The following RAB38 variants were observed in gnomAD, a reference collection of about 807,000 sequenced individuals.
The protein encoded by RAB38 is ras-related protein Rab-38.
In RAB38, 15 loss-of-function variants were observed where a neutral mutation model predicts 18.4. The ratio of observed to expected loss-of-function variants is 0.82; its 90% CI spans 0.55 to 1.26. RAB38 has a LOEUF of 1.26. Among genes scored for constraint, RAB38 ranks in the 50% most tolerant of loss-of-function variants. The pLI is 0.00. For synonymous variants in RAB38, 101 were observed against 104.4 expected (o/e 0.97, Z 0.20); for missense variants, 294 against 267.4 (o/e 1.10, Z -0.69).
the RAB38 span, among the ~76,000 whole-genome samples, chr11:88,027,976 C>G: frequency 2.6e-5 from 4 of 152,186 alleles, no homozygotes; most frequent in African/African-American, 4.8e-5. Flanking sequence ...GGGAGGCACC[C>G]CCCAGCAGGG....
the RAB38 span, among the ~76,000 whole-genome samples, chr11:87,851,096 G>GA: frequency 8.6e-5 from 13 of 152,006 alleles, no homozygotes; most frequent in Non-Finnish European, 1.3e-4. Flanking sequence ...CCTTCCCTTT[G>GA]AAAAAAAGTA....
chr11:88,025,599 T>A, the RAB38 span, among the ~76,000 whole-genome samples: 1 of 152,174 alleles, frequency 6.6e-6, no homozygotes, highest in African/African-American at 2.4e-5. Context: ...CTCATTGTGG[T>A]ATTGATTTGG....
chr11:88,009,324 ATCTC>A, the RAB38 span, among the ~76,000 whole-genome samples: 1 of 152,202 alleles, frequency 6.6e-6, no homozygotes, highest in Non-Finnish European at 1.5e-5. Flanking sequence ...TCATTCCTTC[ATCTC>A]TCTTTCTCAA....
chr11:88,034,266 T>G, the RAB38 span, among the ~76,000 whole-genome samples: 5 of 152,220 alleles, frequency 3.3e-5, no homozygotes, highest in East Asian at 9.6e-4. Context: ...CATTGACAAT[T>G]TGCAGTTTGT....
chr11:88,079,455 C>G, the RAB38 span, among the ~76,000 whole-genome samples: 2 of 151,610 alleles, frequency 1.3e-5, no homozygotes, highest in Admixed American at 1.3e-4. Flanking sequence ...CTCTTCTAGC[C>G]CAAACAAACT....
the RAB38 span, among the ~76,000 whole-genome samples, chr11:87,955,938 C>T: frequency 6.6e-6 from 1 of 151,748 alleles, no homozygotes; most frequent in Non-Finnish European, 1.5e-5. Context: ...TGTATTTTCT[C>T]TTAACAAGAC....
the RAB38 span, among the ~76,000 whole-genome samples, chr11:88,024,981 G>T: frequency 8.5e-5 from 13 of 152,136 alleles, no homozygotes; most frequent in East Asian, 2.3e-3. Flanking sequence ...AGTCAATAAT[G>T]ACTTAATCAT....
At chr11:88,008,424 G>C in the RAB38 span, among the ~76,000 whole-genome samples, 2 of 152,084 alleles carry the variant, frequency 1.3e-5, no homozygotes, top group African/African-American at 2.4e-5. Context: ...GGTTCTCAAA[G>C]GATATCTAGC....
At chr11:88,043,140 G>C in the RAB38 span, among the ~76,000 whole-genome samples, 2 of 152,078 alleles carry the variant, frequency 1.3e-5, no homozygotes, top group Non-Finnish European at 2.9e-5. Context: ...CCATCTCTGC[G>C]AGACATTTCT....
At chr11:88,036,250 A>G in the RAB38 span, among the ~76,000 whole-genome samples, 1 of 152,180 alleles carries the variant, frequency 6.6e-6, no homozygotes, top group Non-Finnish European at 1.5e-5. Flanking sequence ...TTACTCTGCC[A>G]AAGACATAGA....
chr11:88,005,628 C>T, the RAB38 span, among the ~76,000 whole-genome samples: 3 of 149,658 alleles, frequency 2.0e-5, no homozygotes, highest in Non-Finnish European at 4.5e-5. Flanking sequence ...TCTGTATTTG[C>T]TTTTCTTGCC....
chr11:87,893,629 T>G, the RAB38 span, among the ~76,000 whole-genome samples: 2 of 151,462 alleles, frequency 1.3e-5, no homozygotes, highest in Admixed American at 6.6e-5. Context: ...CTTTTTCATC[T>G]TATAAAACTC....
the RAB38 span, among the ~76,000 whole-genome samples, chr11:88,019,005 A>G: frequency 6.6e-6 from 1 of 151,602 alleles, no homozygotes; most frequent in African/African-American, 2.4e-5. Flanking sequence ...TTTCCCTCCT[A>G]CCTCACTGAC....
chr11:88,158,914 C>A (rs1303882296), intron 1 of RAB38, among the ~76,000 whole-genome samples: 2 of 152,002 alleles, frequency 1.3e-5, no homozygotes, highest in African/African-American at 4.8e-5. Context: ...GAAGTGCTAG[C>A]CAGAGCAATC....
the RAB38 span, among the ~76,000 whole-genome samples, chr11:88,067,039 T>C: frequency 6.6e-6 from 1 of 152,306 alleles, no homozygotes; most frequent in Admixed American, 6.5e-5. Flanking sequence ...GAATATTTCT[T>C]GGTATTTAAT....
chr11:88,033,522 A>C, the RAB38 span, among the ~76,000 whole-genome samples: 1 of 152,088 alleles, frequency 6.6e-6, no homozygotes, highest in Non-Finnish European at 1.5e-5. Flanking sequence ...TGCACTTGTA[A>C]AAAGTAATAG....
chr11:88,024,114 T>C, the RAB38 span, among the ~76,000 whole-genome samples: 2 of 152,000 alleles, frequency 1.3e-5, no homozygotes, highest in East Asian at 1.9e-4. Context: ...AGATAACCAG[T>C]AGAATGGGAG....
At chr11:87,902,174 A>G in the RAB38 span, among the ~76,000 whole-genome samples, 8 of 151,558 alleles carry the variant, frequency 5.3e-5, no homozygotes, top group African/African-American at 1.5e-4. Flanking sequence ...GGTGGAGTGA[A>G]ACCCAAATGC....
intron 1 of RAB38, among the ~76,000 whole-genome samples, chr11:88,156,839 T>A (rs1943133128): frequency 6.6e-6 from 1 of 152,218 alleles, no homozygotes; most frequent in Non-Finnish European, 1.5e-5. Context: ...TTATGGGAGT[T>A]CTAAATATGG....
Sources: allele counts gnomAD v4.1 joint callset (sites outside exome capture counted in the v4.1 genomes callset), GRCh38; gene constraint gnomAD v4.1.1; transcripts MANE v1.5; gene names NCBI Gene and HGNC (gene_info 2026-07-23, HGNC 2026-07-21).